Variants in TBC1D23 observed in about 807,000 individuals in gnomAD.
TBC1D23 encodes HCV non-structural protein 4A-transactivated protein 1.
Under a neutral mutation model 91.4 loss-of-function variants are expected in TBC1D23, and 55 were observed. The observed-to-expected ratio is 0.60, with a 90% CI of 0.48 to 0.75. TBC1D23 has a LOEUF of 0.75. Among genes scored for constraint, TBC1D23 ranks in the 30% least tolerant of loss-of-function variants. The pLI is 0.00. For missense variants in TBC1D23, 725 were observed against 836.1 expected (o/e 0.87, Z 1.64); for synonymous variants, 289 against 281.0 (o/e 1.03, Z -0.28).
At chr3:100,314,087 C>CA (rs1177088472) in intron 15 of TBC1D23, among the ~76,000 whole-genome samples, 3 of 131,468 alleles carry the variant, frequency 2.3e-5, no homozygotes, top group Non-Finnish European at 3.3e-5. Flanking sequence ...AATTAGGCTA[C>CA]AAAATTTTTT....
chr3:100,291,833 C>T (rs1176107531), intron 5 of TBC1D23, among the ~76,000 whole-genome samples: 5 of 128,480 alleles, frequency 3.9e-5, no homozygotes, highest in Non-Finnish European at 7.9e-5. Flanking sequence ...TCACTCTTGT[C>T]GCCTAGGCTG....
At position 100,317,081 on chromosome 3, in the gene TBC1D23, C is replaced by CA. The variant is rs34131078; in HGVS notation, c.1687+911dup. On this transcript the variant is annotated intron_variant, in intron 16 of 18. Transcript: ENST00000394144. Reference sequence around the variant, plus strand: ...TAGGTGACACAGCAAGACTCTGTCTCAAAAAAAAAAAAAAAAATTTAGTCT... The same window carrying CA: ...TAGGTGACACAGCAAGACTCTGTCTCAAAAAAAAAAAAAAAAAATTTAGTCT... Among the ~76,000 whole-genome samples, 1,000 of 117,596 alleles carry CA rather than the reference C, an allele frequency of 8.5e-3. 3 individuals carry two copies. The highest frequency in any genetic ancestry group is 0.018 in the Middle Eastern group (4 of 224). 77.1% of individuals were successfully genotyped at this position (117,596 alleles called of 152,430 possible). A position where few individuals can be genotyped will look rare whatever the true frequency, so the allele number is the denominator to read the frequency against.
chr3:100,262,932 C>T (rs988382425), intron 1 of TBC1D23, among the ~76,000 whole-genome samples: 14 of 152,082 alleles, frequency 9.2e-5, no homozygotes, highest in African/African-American at 3.4e-4. Flanking sequence ...TAAATATCCA[C>T]ACATGGCTTG....
At chr3:100,283,495 G>T in intron 3 of TBC1D23, 112 bp from the exon 4 acceptor site, 2 of 648,546 alleles carry the variant, frequency 3.1e-6, no homozygotes, top group Non-Finnish European at 2.7e-6. Context: ...GTTTCACTTT[G>T]TCTTTCTCTA....
At chr3:100,305,629 C>G (rs1250102597) in intron 12 of TBC1D23, among the ~76,000 whole-genome samples, 1 of 152,056 alleles carries the variant, frequency 6.6e-6, no homozygotes, top group Non-Finnish European at 1.5e-5. Flanking sequence ...GTAATGGAAT[C>G]TTAGGCTTTA....
intron 15 of TBC1D23, among the ~76,000 whole-genome samples, chr3:100,312,268 C>T (rs545982981): frequency 1.3e-5 from 2 of 152,000 alleles, no homozygotes; most frequent in South Asian, 4.2e-4. Flanking sequence ...AATTATAGCA[C>T]CTAAAAATAG....
chr3:100,299,768 C>T (rs1223227740), intron 10 of TBC1D23, among the ~76,000 whole-genome samples: 1 of 152,220 alleles, frequency 6.6e-6, no homozygotes, highest in Non-Finnish European at 1.5e-5. Context: ...GCCTCAGCCT[C>T]CCAAAGTGTT....
chr3:100,291,510 G>T (rs1212092199), intron 5 of TBC1D23, among the ~76,000 whole-genome samples: 1 of 151,618 alleles, frequency 6.6e-6, no homozygotes, highest in East Asian at 1.9e-4. Flanking sequence ...TTGAACCTGG[G>T]AGGCGGAGGT....
chr3:100,301,163 G>A (rs776818818), intron 10 of TBC1D23, among the ~76,000 whole-genome samples: 4 of 151,248 alleles, frequency 2.6e-5, no homozygotes, highest in South Asian at 2.1e-4. Context: ...AGAGACCACC[G>A]TATTGCCCTT....
intron 16 of TBC1D23, among the ~76,000 whole-genome samples, chr3:100,317,394 C>T (rs1705768523): frequency 6.6e-6 from 1 of 152,188 alleles, no homozygotes; most frequent in Non-Finnish European, 1.5e-5. Flanking sequence ...TTTAGTCAGT[C>T]TTCCAGTTGA....
At chr3:100,312,277 A>G (rs931208550) in intron 15 of TBC1D23, among the ~76,000 whole-genome samples, 1 of 152,180 alleles carries the variant, frequency 6.6e-6, no homozygotes, top group African/African-American at 2.4e-5. Context: ...ACCTAAAAAT[A>G]GGCACCGTTC....
chr3:100,306,276 G>A (rs1366200781), intron 12 of TBC1D23, among the ~76,000 whole-genome samples, 161 bp from the exon 13 acceptor site: 1 of 152,192 alleles, frequency 6.6e-6, no homozygotes, highest in Non-Finnish European at 1.5e-5. Flanking sequence ...TAGCTTGGAG[G>A]CCTTTACTCC....
intron 1 of TBC1D23, among the ~76,000 whole-genome samples, chr3:100,270,151 C>T (rs1268059779): frequency 6.6e-6 from 1 of 152,156 alleles, no homozygotes; most frequent in Non-Finnish European, 1.5e-5. Context: ...TACATAAGAG[C>T]ATTGACTTTT....
chr3:100,280,178 G>A lies in TBC1D23; in HGVS notation c.165+418G>A, dbSNP rs34743492. On this transcript the variant is annotated intron_variant, in intron 2 of 18. Transcript: ENST00000394144. ...CCAGGAGGCGAGGCTACAGTGAGCC[G>A]AGATAGCGCCACTGCACTCCAGCCT... Among the ~76,000 whole-genome samples the A allele has an allele frequency of 2.6e-3, 401 of 151,840 alleles. 1 individual carries two copies. Among genetic ancestry groups the A allele is most frequent in the Middle Eastern group, 6.8e-3 (2 of 294 alleles).
intron 12 of TBC1D23, among the ~76,000 whole-genome samples, chr3:100,306,172 G>A (rs999993539): frequency 1.3e-5 from 2 of 152,146 alleles, no homozygotes; most frequent in Non-Finnish European, 2.9e-5. Flanking sequence ...AGAAGAAAAC[G>A]TAAAGCCTAT....
In TBC1D23 at chr3:100,316,127, A is replaced by G; in HGVS notation, c.1627A>G (p.Lys543Glu). The G allele has an allele frequency of 6.2e-7, 1 of 1,614,148 alleles. No homozygotes were observed. The highest frequency in any genetic ancestry group is 1.1e-5 in the South Asian group (1 of 91,076). Residue 543 changes from lysine (K) to glutamate (E), a missense_variant, in exon 16 of 19, where the codon AAG becomes GAG. Transcript: ENST00000394144. Reference sequence around the variant, plus strand: ...TGTGAGCAGCAGTGACAGAGTGGGCAAGCCTTACCGTGGCGTAAAGCCTGT... The same window carrying G: ...TGTGAGCAGCAGTGACAGAGTGGGCGAGCCTTACCGTGGCGTAAAGCCTGT... Reference protein sequence around the residue: ...RHVSSSDRVGKPYRGVKPVFS... With the variant: ...RHVSSSDRVGEPYRGVKPVFS...
intron 14 of TBC1D23, among the ~76,000 whole-genome samples, chr3:100,311,494 G>A (rs1431631044): frequency 6.6e-6 from 1 of 152,140 alleles, no homozygotes; most frequent in African/African-American, 2.4e-5. Context: ...ATGCAGTAAA[G>A]TTATGTCTTC....
chr3:100,321,498 A>G (rs1280716166), intron 18 of TBC1D23, among the ~76,000 whole-genome samples: 1 of 152,180 alleles, frequency 6.6e-6, no homozygotes, highest in East Asian at 1.9e-4. Context: ...AAAAATATGA[A>G]GCCCAGAGGG....
At chr3:100,267,027 G>C (rs2067563285) in intron 1 of TBC1D23, among the ~76,000 whole-genome samples, 1 of 152,208 alleles carries the variant, frequency 6.6e-6, no homozygotes, top group South Asian at 2.1e-4. Context: ...ATTTGAAACA[G>C]TTTTACAATC....
Sources: allele counts gnomAD v4.1 joint callset (sites outside exome capture counted in the v4.1 genomes callset), GRCh38; gene constraint gnomAD v4.1.1; transcripts MANE v1.5; gene names NCBI Gene and HGNC (gene_info 2026-07-23, HGNC 2026-07-21).